ADARB2: variants seen among roughly 807,000 people sequenced by gnomAD.
The protein encoded by ADARB2 is adenosine deaminase RNA specific B2 (inactive).
A neutral mutation model predicts 62.2 loss-of-function variants in ADARB2; 25 were observed. The observed-to-expected ratio is 0.40, with a 90% CI of 0.29 to 0.56. The LOEUF (loss-of-function observed/expected upper bound fraction) is 0.56. Among genes scored for constraint, ADARB2 ranks in the 20% least tolerant of loss-of-function variants. The pLI, the probability that ADARB2 is intolerant of heterozygous loss-of-function variation, is 0.43. For synonymous variants in ADARB2, 572 were observed against 500.8 expected (o/e 1.14, Z -1.90); for missense variants, 1,071 against 1,077.4 (o/e 0.99, Z 0.08).
chr10:1,264,257 C>G lies in ADARB2; in HGVS notation c.1192+6698G>C, dbSNP rs561484600. ...AGTTCATTTGTTTCAGCTTATCTTC[C>G]TCATGCCCGACTGGATGCAAATAAA... On this transcript the variant is annotated intron_variant, in intron 4 of 9. Coordinates refer to ENST00000381312, the MANE Select transcript of ADARB2 (RefSeq NM_018702.4). 5.3e-5 allele frequency among the ~76,000 whole-genome samples: 8 copies of G among 152,264 alleles called. No homozygotes were observed. The South Asian group carries it at 1.7e-3, about 32-fold the overall frequency.
chr10:1,485,854 G>C (rs73582329), intron 1 of ADARB2, among the ~76,000 whole-genome samples: 2,104 of 152,272 alleles, frequency 0.014, 43 homozygotes, highest in African/African-American at 0.047. Context: ...GATTGTAATG[G>C]ACAAAATATT....
chr10:1,385,403 TGATAAGTAAATA>T (rs1832517310), intron 1 of ADARB2, among the ~76,000 whole-genome samples: 1 of 152,098 alleles, frequency 6.6e-6, no homozygotes, highest in Non-Finnish European at 1.5e-5. Context: ...AAAGGGGATA[TGATAAGTAAATA>T]GATGGGGAAT....
chr10:1,583,024 T>C (rs562221561), intron 1 of ADARB2, among the ~76,000 whole-genome samples: 1 of 152,300 alleles, frequency 6.6e-6, no homozygotes, highest in South Asian at 2.1e-4. Context: ...TTTGTACTTG[T>C]TGTCACCAAT....
At chr10:1,271,952 T>C (rs950839433) in intron 3 of ADARB2, among the ~76,000 whole-genome samples, 17 of 152,252 alleles carry the variant, frequency 1.1e-4, no homozygotes, top group Admixed American at 1.1e-3. Context: ...CCCATTTTCC[T>C]AATTTACAAG....
At chr10:1,267,580 G>A (rs1235831514) in intron 4 of ADARB2, among the ~76,000 whole-genome samples, 1 of 152,174 alleles carries the variant, frequency 6.6e-6, no homozygotes, top group African/African-American at 2.4e-5. Context: ...GACTTAGCAC[G>A]TATGGTAAAG....
At chr10:1,503,226 T>C (rs1831788269) in intron 1 of ADARB2, among the ~76,000 whole-genome samples, 1 of 152,194 alleles carries the variant, frequency 6.6e-6, no homozygotes, top group African/African-American at 2.4e-5. Context: ...TTTGTTGTTG[T>C]TGTTCAGTCT....
chr10:1,638,336 C>G (rs1833938730), intron 1 of ADARB2, among the ~76,000 whole-genome samples: 1 of 152,152 alleles, frequency 6.6e-6, no homozygotes, highest in African/African-American at 2.4e-5. Context: ...AATTTAAATG[C>G]TAAAAGTACA....
chr10:1,295,437 A>G (rs1220917275), intron 3 of ADARB2, among the ~76,000 whole-genome samples: 1 of 152,240 alleles, frequency 6.6e-6, no homozygotes, highest in Non-Finnish European at 1.5e-5. Context: ...ATAATCAGAT[A>G]GAACATAACA....
intron 1 of ADARB2, among the ~76,000 whole-genome samples, chr10:1,525,104 ATG>A (rs1461146173): frequency 2.0e-5 from 3 of 152,206 alleles, no homozygotes; most frequent in Non-Finnish European, 4.4e-5. Context: ...CCTGAGTTTC[ATG>A]CCAGGAAACC....
intron 4 of ADARB2, among the ~76,000 whole-genome samples, chr10:1,257,151 C>G (rs1008161096): frequency 3.9e-5 from 6 of 152,194 alleles, no homozygotes; most frequent in African/African-American, 1.4e-4. Context: ...ACCTCTAATA[C>G]TTTCTATTCT....
intron 1 of ADARB2, among the ~76,000 whole-genome samples, chr10:1,563,996 T>C (rs2131987962): frequency 6.6e-6 from 1 of 150,622 alleles, no homozygotes; most frequent in Admixed American, 6.6e-5. Flanking sequence ...TTCCATGGTG[T>C]ATATGTGCCA....
chr10:1,305,614 G>C (rs1040736748), intron 3 of ADARB2, among the ~76,000 whole-genome samples: 1 of 151,844 alleles, frequency 6.6e-6, no homozygotes, highest in African/African-American at 2.4e-5. Flanking sequence ...GAGAATTTTA[G>C]ACCAATATCC....
intron 1 of ADARB2, among the ~76,000 whole-genome samples, chr10:1,550,844 C>G (rs1279082667): frequency 6.8e-6 from 1 of 146,712 alleles, no homozygotes; most frequent in African/African-American, 2.5e-5. Context: ...CTAACGGTCC[C>G]CGCGCTTCCC....
At chr10:1,375,463 C>G (rs576840775) in intron 2 of ADARB2, among the ~76,000 whole-genome samples, 6 of 152,348 alleles carry the variant, frequency 3.9e-5, no homozygotes, top group African/African-American at 1.2e-4. Flanking sequence ...TGAGCCTGTT[C>G]CCCGCTCTGC....
chr10:1,565,813 A>G (rs1268644650), intron 1 of ADARB2, among the ~76,000 whole-genome samples: 2 of 152,090 alleles, frequency 1.3e-5, no homozygotes, highest in African/African-American at 4.8e-5. Flanking sequence ...AAGAAGGGAC[A>G]TTTCGGTCAT....
At chr10:1,452,763 A>C (rs968781689) in intron 1 of ADARB2, among the ~76,000 whole-genome samples, 4 of 152,036 alleles carry the variant, frequency 2.6e-5, no homozygotes, top group Non-Finnish European at 5.9e-5. Context: ...ACAAATCTGC[A>C]TGTTCTGCAC....
chr10:1,202,531 C>G (rs1008463578), intron 7 of ADARB2, among the ~76,000 whole-genome samples: 1 of 152,144 alleles, frequency 6.6e-6, no homozygotes, highest in African/African-American at 2.4e-5. Context: ...TCCCTTGACT[C>G]TGAGACCAGA....
At chr10:1,387,874 T>C (rs1001361876) in intron 1 of ADARB2, among the ~76,000 whole-genome samples, 1 of 152,068 alleles carries the variant, frequency 6.6e-6, no homozygotes, top group Non-Finnish European at 1.5e-5. Flanking sequence ...AGTTCATCCC[T>C]ATATAAAAAT....
intron 3 of ADARB2, among the ~76,000 whole-genome samples, chr10:1,328,641 A>C (rs1831899235): frequency 6.6e-6 from 1 of 152,136 alleles, no homozygotes. Flanking sequence ...ATGCCAGCGT[A>C]AAAATCCCCC....
Sources: gnomAD v4.1 joint callset for allele counts (sites outside exome capture counted in the v4.1 genomes callset) on GRCh38, gnomAD v4.1.1 for gene constraint, MANE v1.5 for transcripts, NCBI Gene and HGNC (gene_info 2026-07-23, HGNC 2026-07-21) for gene names.